CDH13: variants seen among roughly 807,000 people sequenced by gnomAD.
CDH13 encodes cadherin 13, also known as cadherin-13.
Under a neutral mutation model 63.8 loss-of-function variants are expected in CDH13, and 24 were observed. The ratio of observed to expected loss-of-function variants is 0.38; its 90% CI spans 0.27 to 0.53. The LOEUF (loss-of-function observed/expected upper bound fraction) is 0.53. Ranked by LOEUF, CDH13 falls within the 20% of genes least tolerant of loss-of-function variation. CDH13 has a pLI of 0.85. For missense variants in CDH13, 1,049 were observed against 903.1 expected (o/e 1.16, Z -2.07); for synonymous variants, 503 against 355.3 (o/e 1.42, Z -4.67).
rs192183818 is a variant in CDH13 at position 83,656,065 on chromosome 16, C to T, written c.1102-14725C>T. On this transcript the variant is annotated intron_variant, in intron 8 of 13. Transcript: ENST00000567109. ...TCATCACCCGAGGGGAAACTTTACA[C>T]CCATTAAGTGGTCATTCTCCATTCC... Among the ~76,000 whole-genome samples the T allele has an allele frequency of 8.4e-4, 128 of 152,272 alleles. 1 individual carries two copies. The highest frequency in any genetic ancestry group is 3.1e-3 in the African/African-American group (127 of 41,554).
chr16:83,487,550 G>A (rs2073918441), intron 7 of CDH13, among the ~76,000 whole-genome samples: 1 of 152,064 alleles, frequency 6.6e-6, no homozygotes, highest in Non-Finnish European at 1.5e-5. Flanking sequence ...CTTACCATAA[G>A]CTACTTTAAG....
At chr16:82,869,493 T>G (rs558074953) in intron 2 of CDH13, among the ~76,000 whole-genome samples, 33 of 152,110 alleles carry the variant, frequency 2.2e-4, no homozygotes, top group Admixed American at 3.3e-4. Context: ...TTCTAAAATT[T>G]ATACAGAACC....
intron 3 of CDH13, among the ~76,000 whole-genome samples, chr16:83,043,278 TG>T (rs1183078979): frequency 2.0e-5 from 3 of 152,150 alleles, no homozygotes; most frequent in Admixed American, 6.5e-5. Context: ...TTGAAATTCT[TG>T]GGGGAAAAAC....
intron 4 of CDH13, among the ~76,000 whole-genome samples, chr16:83,196,071 C>T (rs2038870254): frequency 6.6e-6 from 1 of 152,214 alleles, no homozygotes; most frequent in South Asian, 2.1e-4. Flanking sequence ...GCCTGGCCAA[C>T]ATGGTGAAAC....
At chr16:82,873,944 G>T (rs1355302863) in intron 2 of CDH13, among the ~76,000 whole-genome samples, 2 of 151,820 alleles carry the variant, frequency 1.3e-5, no homozygotes, top group East Asian at 1.9e-4. Context: ...ACTCATGCTT[G>T]GTCTCTTTGA....
intron 7 of CDH13, among the ~76,000 whole-genome samples, chr16:83,487,417 T>A (rs1373562081): frequency 6.6e-6 from 1 of 152,166 alleles, no homozygotes; most frequent in African/African-American, 2.4e-5. Context: ...GGTGTGATGC[T>A]CCAGTGGATC....
chr16:83,482,930 C>A (rs2073805671), intron 6 of CDH13, among the ~76,000 whole-genome samples: 1 of 152,230 alleles, frequency 6.6e-6, no homozygotes, highest in Non-Finnish European at 1.5e-5. Flanking sequence ...TTTGCCTGCA[C>A]TGCCATAATT....
At chr16:82,997,818 A>T (rs1419060334) in intron 2 of CDH13, among the ~76,000 whole-genome samples, 3 of 152,154 alleles carry the variant, frequency 2.0e-5, no homozygotes, top group Admixed American at 2.0e-4. Context: ...TTTCTGGGCT[A>T]TTTTTAAATG....
intron 1 of CDH13, among the ~76,000 whole-genome samples, chr16:82,636,409 G>C (rs1165647597): frequency 2.0e-5 from 3 of 152,156 alleles, no homozygotes; most frequent in Non-Finnish European, 4.4e-5. Flanking sequence ...TGGGGGCCTG[G>C]AAATGCCCTT....
At chr16:82,930,167 G>A (rs1287595069) in intron 2 of CDH13, among the ~76,000 whole-genome samples, 1 of 149,390 alleles carries the variant, frequency 6.7e-6, no homozygotes, top group East Asian at 2.0e-4. Flanking sequence ...TAAGAGAGAT[G>A]GCATTTTGCC....
chr16:83,120,504 A>G (rs1191770467), intron 3 of CDH13, among the ~76,000 whole-genome samples: 2 of 152,228 alleles, frequency 1.3e-5, no homozygotes, highest in Non-Finnish European at 2.9e-5. Flanking sequence ...GTCATCATGA[A>G]CTGAGGCCTA....
At chr16:83,584,638 C>T (rs1051168548) in intron 7 of CDH13, among the ~76,000 whole-genome samples, 2 of 152,156 alleles carry the variant, frequency 1.3e-5, no homozygotes, top group Non-Finnish European at 2.9e-5. Context: ...CATGATCCCT[C>T]GATAGTGTCC....
At chr16:83,558,443 G>T (rs568539678) in intron 7 of CDH13, among the ~76,000 whole-genome samples, 3 of 152,204 alleles carry the variant, frequency 2.0e-5, no homozygotes, top group African/African-American at 7.2e-5. Context: ...TACCTGACTG[G>T]TTGTGCCTTG....
rs549525166 is a variant in CDH13, at chr16:82,712,027, T to C, written c.45+84890T>C. Among the ~76,000 whole-genome samples, 6 of 152,338 alleles carry C rather than the reference T, an allele frequency of 3.9e-5. No homozygotes were observed. In the South Asian group the frequency reaches 1.2e-3, roughly 32 times the overall value. On this transcript the variant is annotated intron_variant, in intron 1 of 13. Coordinates refer to ENST00000567109, the MANE Select transcript of CDH13 (RefSeq NM_001257.5). The stretch of plus-strand genomic sequence containing the variant: ...GCCTTAACCATTCTGCTCTCTCGCC[T>C]TCCTGCATTTTATACTCCATACTTC...
chr16:83,671,846 A>G (rs1914525749), intron 9 of CDH13, among the ~76,000 whole-genome samples: 1 of 152,234 alleles, frequency 6.6e-6, no homozygotes, highest in African/African-American at 2.4e-5. Flanking sequence ...CATGCTGGTA[A>G]TCCAGAAATA....
At chr16:82,877,240 C>G (rs188657707) in intron 2 of CDH13, among the ~76,000 whole-genome samples, 1 of 152,152 alleles carries the variant, frequency 6.6e-6, no homozygotes, top group Admixed American at 6.5e-5. Flanking sequence ...GATGAGTTTA[C>G]TGAAATAAGT....
chr16:82,872,912 C>T (rs879514150), intron 2 of CDH13, among the ~76,000 whole-genome samples: 9 of 152,162 alleles, frequency 5.9e-5, no homozygotes, highest in Non-Finnish European at 1.2e-4. Context: ...AAATGTGCCT[C>T]CTGCTGTGGA....
At chr16:82,718,953 G>T (rs572074544) in intron 1 of CDH13, among the ~76,000 whole-genome samples, 1 of 152,180 alleles carries the variant, frequency 6.6e-6, no homozygotes, top group African/African-American at 2.4e-5. Context: ...CATTTGGTGC[G>T]TGTTGGATGC....
At chr16:83,329,487 TCGATCTCCCAAAGTGC>T (rs1339515500) in intron 5 of CDH13, among the ~76,000 whole-genome samples, 1 of 151,876 alleles carries the variant, frequency 6.6e-6, no homozygotes, top group African/African-American at 2.4e-5. Flanking sequence ...TGTGGCCACC[TCGATCTCCCAAAGTGC>T]CGGGATTACA....
Sources: allele counts gnomAD v4.1 joint callset (sites outside exome capture counted in the v4.1 genomes callset), GRCh38; gene constraint gnomAD v4.1.1; transcripts MANE v1.5; gene names NCBI Gene and HGNC (gene_info 2026-07-23, HGNC 2026-07-21).